MACROH2A2: variants seen among roughly 807,000 people sequenced by gnomAD.
MACROH2A2 encodes core histone macro-H2A.2.
Under a neutral mutation model 37.6 loss-of-function variants are expected in MACROH2A2, and 6 were observed. The observed-to-expected ratio is 0.16, with a 90% CI of 0.09 to 0.32. The LOEUF (loss-of-function observed/expected upper bound fraction) is 0.32, where lower values mean the gene tolerates loss of function less well. MACROH2A2 is among the 10% of genes least tolerant of loss of function. The pLI is 1.00. For missense variants in MACROH2A2, 290 were observed against 485.9 expected (o/e 0.60, Z 3.79); for synonymous variants, 192 against 202.7 (o/e 0.95, Z 0.45).
At chr10:70,070,052 C>T (rs1238829284) in intron 1 of MACROH2A2, among the ~76,000 whole-genome samples, 1 of 152,114 alleles carries the variant, frequency 6.6e-6, no homozygotes, top group Non-Finnish European at 1.5e-5. Context: ...TCCATAAGCC[C>T]CTCCTTGCTT....
At chr10:70,098,787 A>G (rs1156976959) in intron 6 of MACROH2A2, 4 of 152,374 alleles carry the variant, frequency 2.6e-5, no homozygotes, top group Non-Finnish European at 4.4e-5. Context: ...GCTGGTGGCC[A>G]TTGATGCCTC....
intron 7 of MACROH2A2, among the ~76,000 whole-genome samples, chr10:70,104,506 G>A (rs148537947): frequency 0.027 from 4,042 of 152,202 alleles, 200 homozygotes; most frequent in African/African-American, 0.093. Flanking sequence ...GAGAAACCCT[G>A]TCTAGTAAAA....
At chr10:70,064,689 T>C (rs2072069128) in intron 1 of MACROH2A2, among the ~76,000 whole-genome samples, 1 of 152,198 alleles carries the variant, frequency 6.6e-6, no homozygotes, top group African/African-American at 2.4e-5. Context: ...GTTTCTGCTT[T>C]TCCTTCCTCC....
At chr10:70,077,386 G>A (rs938722116) in intron 2 of MACROH2A2, among the ~76,000 whole-genome samples, 4 of 152,002 alleles carry the variant, frequency 2.6e-5, no homozygotes, top group African/African-American at 9.7e-5. Context: ...TGGCCAATAT[G>A]GTGACACCCC....
At chr10:70,060,983 A>G (rs1189791256) in intron 1 of MACROH2A2, among the ~76,000 whole-genome samples, 1 of 152,080 alleles carries the variant, frequency 6.6e-6, no homozygotes, top group Admixed American at 6.5e-5. Context: ...GTCTAAAAAA[A>G]AAAAAAAGAA....
At chr10:70,073,099 C>G (rs1338559471) in intron 1 of MACROH2A2, among the ~76,000 whole-genome samples, 1 of 152,218 alleles carries the variant, frequency 6.6e-6, no homozygotes, top group Admixed American at 6.5e-5. Context: ...ATGCCCAGGA[C>G]TTTCTGTTCC....
In MACROH2A2 at chr10:70,053,193, C is replaced by T. The variant is rs559646893; in HGVS notation, c.-60+193C>T. Among the ~76,000 whole-genome samples, 1 of 152,300 alleles carries T rather than the reference C, an allele frequency of 6.6e-6. No individual in the cohort carries two copies. Among genetic ancestry groups the T allele is most frequent in the South Asian group, 2.1e-4 (1 of 4,826 alleles). ...TTAAATCCAGCTGCCCAACTTGCTT[C>T]CTTGGGCGATAAAGGGGGGGCTGCT... On this transcript the variant is annotated intron_variant, in intron 1 of 8. Coordinates refer to ENST00000373255, the MANE Select transcript of MACROH2A2 (RefSeq NM_018649.3). This position sits in a 1 kb window ranked among gnomAD's most constrained non-coding sequence, Gnocchi z 4.8.
In MACROH2A2 at chr10:70,111,765, G is replaced by T; in HGVS notation, c.*82G>T. ...TGCTTTTTAAAAGGAGAGAGGAGGG[G>T]TGATGGCAGGGGAGTGGAGGGTGGC... On this transcript the variant is annotated 3_prime_UTR_variant, in exon 9 of 9. Coordinates refer to ENST00000373255, the MANE Select transcript of MACROH2A2 (RefSeq NM_018649.3). The T allele has an allele frequency of 1.6e-6, 2 of 1,268,438 alleles. No individual in the cohort carries two copies. Among genetic ancestry groups the T allele is most frequent in the Non-Finnish European group, 2.1e-6 (2 of 943,156 alleles). The allele number at this position is 1,268,438 out of a possible 1,614,324, so 78.6% of individuals were successfully genotyped here. A position where few individuals can be genotyped will look rare whatever the true frequency, so the allele number is the denominator to read the frequency against.
chr10:70,069,153 T>TA (rs2072094714), intron 1 of MACROH2A2, among the ~76,000 whole-genome samples: 1 of 152,196 alleles, frequency 6.6e-6, no homozygotes, highest in South Asian at 2.1e-4. Context: ...GTGTTATATA[T>TA]AAAATCTAAC....
At chr10:70,059,368 T>C (rs2072037568) in intron 1 of MACROH2A2, among the ~76,000 whole-genome samples, 2 of 147,038 alleles carry the variant, frequency 1.4e-5, no homozygotes, top group African/African-American at 5.0e-5. Context: ...TATATTAGAG[T>C]ATAATTTCTT....
chr10:70,111,212 T>C (rs2072371367), intron 8 of MACROH2A2, among the ~76,000 whole-genome samples: 2 of 152,058 alleles, frequency 1.3e-5, no homozygotes, highest in Admixed American at 6.5e-5. Flanking sequence ...GAGGTTGCAG[T>C]GAGCTGAGAT....
At position 70,107,280 on chromosome 10, in the gene MACROH2A2, A is replaced by C. The variant is rs1276252194; in HGVS notation, c.779-1753A>C. Among the ~76,000 whole-genome samples, 11 of 152,200 alleles carry C rather than the reference A, an allele frequency of 7.2e-5. No homozygotes were observed. The highest frequency in any genetic ancestry group is 7.2e-4 in the Admixed American group (11 of 15,290). On this transcript the variant is annotated intron_variant, in intron 7 of 8. Coordinates refer to ENST00000373255, the MANE Select transcript of MACROH2A2 (RefSeq NM_018649.3). This position sits in a 1 kb window ranked among gnomAD's most constrained non-coding sequence, Gnocchi z 4.4. ...ACCCATGTGAGGAAGTGCAGTCAGC[A>C]CTTCCCTGACACTGTGGACATTGCC... is the stretch of plus-strand genomic sequence containing the variant.
intron 6 of MACROH2A2, chr10:70,099,311 C>T (rs1026845790): frequency 1.3e-5 from 2 of 152,100 alleles, no homozygotes; most frequent in Admixed American, 6.6e-5. Context: ...ACTTGAGGCT[C>T]GAGTGTGGAG....
intron 8 of MACROH2A2, among the ~76,000 whole-genome samples, chr10:70,110,633 C>G (rs112869952): frequency 6.6e-6 from 1 of 151,924 alleles, no homozygotes; most frequent in African/African-American, 2.4e-5. Flanking sequence ...CCTGTAAATC[C>G]AAAAGCTTTA....
intron 7 of MACROH2A2, among the ~76,000 whole-genome samples, chr10:70,103,991 G>C (rs368087617): frequency 3.3e-5 from 5 of 152,210 alleles, no homozygotes; most frequent in African/African-American, 1.2e-4. Flanking sequence ...CAAGGAAATA[G>C]ACATGAACCT....
intron 1 of MACROH2A2, among the ~76,000 whole-genome samples, chr10:70,074,246 T>G (rs2072127377): frequency 6.6e-6 from 1 of 152,224 alleles, no homozygotes. Flanking sequence ...ATAGCTTCCT[T>G]AAGCAACAGT....
chr10:70,111,458 C>A lies in MACROH2A2; in HGVS notation c.954-60C>A. On this transcript the variant is annotated intron_variant, in intron 8 of 8. Transcript: ENST00000373255. ...CCACCCAGTAAAAACAAAGGCACTT[C>A]ATGCTCCCATGGGTCCCAGGGACCA... 4.7e-6 allele frequency: 7 copies of A among 1,486,568 alleles called. No individual in the cohort carries two copies. The South Asian group carries it at 7.2e-5, about 15-fold the overall frequency. 92.1% of individuals were successfully genotyped at this position (1,486,568 alleles called of 1,614,324 possible).
chr10:70,093,563 C>T (rs544375651), intron 4 of MACROH2A2, among the ~76,000 whole-genome samples, 172 bp from the exon 5 acceptor site: 2 of 152,332 alleles, frequency 1.3e-5, no homozygotes, highest in African/African-American at 4.8e-5. Flanking sequence ...GTACCCTTTT[C>T]TTTCCTTATA....
chr10:70,093,482 T>C (rs1419812006), intron 4 of MACROH2A2, among the ~76,000 whole-genome samples: 1 of 152,230 alleles, frequency 6.6e-6, no homozygotes, highest in African/African-American at 2.4e-5. Flanking sequence ...AATGTGCTGG[T>C]GCACAGGGGT....
Sources: gnomAD v4.1 joint callset for allele counts (sites outside exome capture counted in the v4.1 genomes callset) on GRCh38, gnomAD v4.1.1 for gene constraint, Gnocchi (gnomAD v3.1) non-coding constraint, MANE v1.5 for transcripts, NCBI Gene and HGNC (gene_info 2026-07-23, HGNC 2026-07-21) for gene names.